Variants in UNC79 observed in about 807,000 individuals in gnomAD.
UNC79 encodes the protein protein unc-79 homolog.
In UNC79, 37 loss-of-function variants were observed where a neutral mutation model predicts 283.1. The observed-to-expected ratio is 0.13, with a 90% confidence interval of 0.10 to 0.17. UNC79 has a LOEUF of 0.17. Among genes scored for constraint, UNC79 ranks in the 10% least tolerant of loss-of-function variants. The pLI is 1.00. For missense variants in UNC79, 2,272 were observed against 3,211.1 expected, an observed-to-expected ratio of 0.71 and a Z score of 7.07; for synonymous variants, 1,107 against 1,200.2, an observed-to-expected ratio of 0.92 and a Z score of 1.61.
chr14:93,695,992 G>C (rs1395709262), intron 47 of UNC79, among the ~76,000 whole-genome samples: 1 of 150,512 alleles, frequency 6.6e-6, no homozygotes. Context: ...GTCCCCAGAT[G>C]ACTACTGACC....
chr14:93,372,590 A>C (rs185973556), intron 1 of UNC79, among the ~76,000 whole-genome samples: 24 of 152,362 alleles, frequency 1.6e-4, no homozygotes, highest in East Asian at 1.2e-3. Context: ...TGCATTACGT[A>C]ATGATAAAAG....
intron 47 of UNC79, 119 bp from the exon 51 acceptor site, chr14:93,704,506 C>A (rs2075738984): frequency 2.6e-6 from 3 of 1,162,776 alleles, no homozygotes; most frequent in Non-Finnish European, 3.8e-6. Context: ...TGCAGCAGGG[C>A]CCACATCCGT....
intron 1 of UNC79, among the ~76,000 whole-genome samples, chr14:93,380,624 A>G (rs1595409005): frequency 6.6e-6 from 1 of 152,204 alleles, no homozygotes; most frequent in Non-Finnish European, 1.5e-5. Flanking sequence ...ATCCCCTGTT[A>G]GACTATAAGC....
In UNC79 at chr14:93,430,846, G is replaced by A; in HGVS notation, c.-184G>A. 1 of 515,744 alleles carries A rather than the reference G, an allele frequency of 1.9e-6. No individual in the cohort carries two copies. Among genetic ancestry groups the A allele is most frequent in the Non-Finnish European group, 3.5e-6 (1 of 286,206 alleles). 31.9% of individuals were successfully genotyped at this position (515,744 alleles called of 1,614,324 possible). A position where few individuals can be genotyped will look rare whatever the true frequency, so the allele number is the denominator to read the frequency against. ...CGGGGGCGATTTCCTAACCTTCCGG[G>A]ACCGAATTCTGCAATTTGATGTGCG... On this transcript the variant is annotated 5_prime_UTR_variant, in exon 1 of 49. Transcript: ENST00000555664. The surrounding 1 kb of genome is among the most constrained non-coding windows in gnomAD (Gnocchi z 4.6).
chr14:93,509,462 T>C (rs189712021), intron 7 of UNC79, among the ~76,000 whole-genome samples: 102 of 152,272 alleles, frequency 6.7e-4, no homozygotes, highest in African/African-American at 2.2e-3. Context: ...CCTATGATCC[T>C]GTAAAATAAA....
chr14:93,342,768 T>A, intron 1 of UNC79, among the ~76,000 whole-genome samples: 1 of 152,384 alleles, frequency 6.6e-6, no homozygotes, highest in Non-Finnish European at 1.5e-5. Context: ...GCTTTGCTGC[T>A]CGGAAATTTC....
chr14:93,629,649 C>A (rs2067862064), intron 30 of UNC79, among the ~76,000 whole-genome samples: 1 of 152,134 alleles, frequency 6.6e-6, no homozygotes, highest in Non-Finnish European at 1.5e-5. Flanking sequence ...AGGATCTGTT[C>A]TATAGTTTAG....
chr14:93,622,391 C>G (rs748904903), exon 30 of UNC79: 2 of 1,614,082 alleles, frequency 1.2e-6, no homozygotes, highest in Non-Finnish European at 1.7e-6. Context: ...TCTGGAAGAC[C>G]CTATGGACGC....
At chr14:93,510,169 T>C (rs1249405288) in intron 7 of UNC79, among the ~76,000 whole-genome samples, 2 of 152,220 alleles carry the variant, frequency 1.3e-5, no homozygotes, top group Non-Finnish European at 2.9e-5. Flanking sequence ...AACAGTGTCC[T>C]GAGGTTGTGC....
intron 1 of UNC79, among the ~76,000 whole-genome samples, chr14:93,457,913 G>A (rs2056841181): frequency 6.6e-6 from 1 of 152,218 alleles, no homozygotes; most frequent in African/African-American, 2.4e-5. Context: ...TGTAAAAATA[G>A]TGAGTAAAGA....
chr14:93,367,988 T>G (rs1425129606), intron 1 of UNC79, among the ~76,000 whole-genome samples: 1 of 152,250 alleles, frequency 6.6e-6, no homozygotes, highest in African/African-American at 2.4e-5. Context: ...GACACAGGAT[T>G]GAATTTACAC....
chr14:93,373,933 G>A (rs1239803156), intron 1 of UNC79, among the ~76,000 whole-genome samples: 1 of 152,180 alleles, frequency 6.6e-6, no homozygotes, highest in Non-Finnish European at 1.5e-5. Context: ...TTTATCCCAG[G>A]TATGCCTTAG....
intron 1 of UNC79, among the ~76,000 whole-genome samples, chr14:93,389,202 G>A (rs2054835244): frequency 6.6e-6 from 1 of 152,154 alleles, no homozygotes; most frequent in Admixed American, 6.5e-5. Flanking sequence ...AACCAACAAG[G>A]TGGGGAAATG....
intron 39 of UNC79, among the ~76,000 whole-genome samples, chr14:93,661,798 C>T (rs1004438260): frequency 6.6e-6 from 1 of 152,142 alleles, no homozygotes; most frequent in Non-Finnish European, 1.5e-5. Flanking sequence ...TATTATCCCC[C>T]TTTTACAGAG....
At chr14:93,541,023 C>T (rs1223231538) in intron 13 of UNC79, among the ~76,000 whole-genome samples, 192 bp downstream of exon 13, 1 of 152,180 alleles carries the variant, frequency 6.6e-6, no homozygotes, top group East Asian at 1.9e-4. Flanking sequence ...CTTTTAAAAA[C>T]TAACAATGCC....
At chr14:93,656,150 T>G (rs1341313991) in intron 38 of UNC79, among the ~76,000 whole-genome samples, 2 of 152,222 alleles carry the variant, frequency 1.3e-5, no homozygotes, top group African/African-American at 4.8e-5. Context: ...TAGCAGACTC[T>G]TCTTGCCCTT....
At chr14:93,345,370 C>G (rs995384980) in intron 1 of UNC79, among the ~76,000 whole-genome samples, 8 of 152,018 alleles carry the variant, frequency 5.3e-5, no homozygotes, top group Non-Finnish European at 1.2e-4. Context: ...AAATGACAAC[C>G]AAGGATCATA....
chr14:93,684,967 T>C (rs949698463), intron 42 of UNC79, among the ~76,000 whole-genome samples: 2 of 152,202 alleles, frequency 1.3e-5, no homozygotes, highest in East Asian at 3.8e-4. Context: ...GTAACACACC[T>C]AAGGTTATTC....
intron 19 of UNC79, among the ~76,000 whole-genome samples, chr14:93,581,098 A>G (rs12436725): frequency 0.15 from 22,291 of 152,074 alleles, 1,765 homozygotes; most frequent in Middle Eastern, 0.19. Flanking sequence ...CACATGTTAT[A>G]GCAGTTTTTC....
Sources: allele counts gnomAD v4.1 joint callset (sites outside exome capture counted in the v4.1 genomes callset), GRCh38; gene constraint gnomAD v4.1.1; non-coding constraint Gnocchi (gnomAD v3.1); transcripts MANE v1.5; gene names NCBI Gene and HGNC (gene_info 2026-07-23, HGNC 2026-07-21).